ZDHHC15: variants seen among roughly 807,000 people sequenced by gnomAD.
ZDHHC15 encodes the protein zDHHC palmitoyltransferase 15, also known as palmitoyltransferase ZDHHC15.
ZDHHC15 carries 19 observed loss-of-function variants against 31.7 expected under a neutral mutation model. The observed-to-expected ratio is 0.60, with a 90% confidence interval of 0.42 to 0.88. The LOEUF (loss-of-function observed/expected upper bound fraction) is 0.88, where lower values mean the gene tolerates loss of function less well. ZDHHC15 is among the 40% of genes least tolerant of loss of function. The pLI is 0.00. For synonymous variants in ZDHHC15, 103 were observed against 90.0 expected (o/e 1.14, Z -0.82); for missense variants, 209 against 251.2 (o/e 0.83, Z 1.14).
At chrX:75,441,991 T>G (rs1413487608) in intron 4 of ZDHHC15, among the ~76,000 whole-genome samples, 1 of 111,648 alleles carries the variant, frequency 9.0e-6, no homozygotes, top group African/African-American at 3.3e-5. Context: ...TCCATCCAAG[T>G]GGGAGCGGCA....
At chrX:75,481,499 G>T (rs984870200) in intron 2 of ZDHHC15, among the ~76,000 whole-genome samples, 7 of 111,845 alleles carry the variant, frequency 6.3e-5, no homozygotes, top group Non-Finnish European at 1.1e-4. Flanking sequence ...ACATTACAAG[G>T]TTTCATAGAA....
At chrX:75,506,415 ACTTT>A (rs759450418) in intron 1 of ZDHHC15, among the ~76,000 whole-genome samples, 8 of 111,784 alleles carry the variant, frequency 7.2e-5, no homozygotes, top group Non-Finnish European at 1.3e-4. Flanking sequence ...CATCAGTCAT[ACTTT>A]CTTTTTTTCT....
At chrX:75,417,471 C>A (rs1438117601) in intron 9 of ZDHHC15, among the ~76,000 whole-genome samples, 3 of 111,952 alleles carry the variant, frequency 2.7e-5, no homozygotes, top group Non-Finnish European at 5.6e-5. Flanking sequence ...ACACAGCAAG[C>A]TTCATACATA....
intron 2 of ZDHHC15, among the ~76,000 whole-genome samples, chrX:75,499,028 T>A (rs2085051554): frequency 2.7e-5 from 3 of 111,018 alleles, no homozygotes; most frequent in Non-Finnish European, 5.7e-5. Context: ...AAACACAAAA[T>A]GGGGAAAGGA....
intron 9 of ZDHHC15, among the ~76,000 whole-genome samples, chrX:75,421,401 A>ATATAATATATAT (rs2083628457): frequency 7.6e-5 from 1 of 13,172 alleles, no homozygotes; most frequent in African/African-American, 1.9e-4. Flanking sequence ...TATATATATT[A>ATATAATATATAT]TATATATATA....
intron 2 of ZDHHC15, among the ~76,000 whole-genome samples, chrX:75,495,102 C>T (rs765872907): frequency 9.0e-6 from 1 of 111,607 alleles, no homozygotes; most frequent in East Asian, 2.8e-4. Context: ...AAAACAACCC[C>T]ATCAAAAAGT....
chrX:75,387,236 ATAAC>A (rs1174999809), intron 10 of ZDHHC15, among the ~76,000 whole-genome samples: 3 of 112,447 alleles, frequency 2.7e-5, no homozygotes, highest in Admixed American at 1.9e-4. Flanking sequence ...ACTGGAATAA[ATAAC>A]TAATTCTTCA....
rs144741343 is a variant in ZDHHC15, at chrX:75,395,173, G to C, written c.968-15975C>G. Among the ~76,000 whole-genome samples, 898 of 111,573 alleles carry C rather than the reference G, an allele frequency of 8.0e-3. 11 individuals carry two copies. Among genetic ancestry groups the C allele is most frequent in the African/African-American group, 0.027 (827 of 30,754 alleles). Reference sequence around the variant, plus strand: ...AAAATTTCAGCCCACTTTCACTACTGTGATTCAACACAGTACTAGAAGTCC... The same window carrying C: ...AAAATTTCAGCCCACTTTCACTACTCTGATTCAACACAGTACTAGAAGTCC... On this transcript the variant is annotated intron_variant, in intron 10 of 11. Transcript: ENST00000373367.
At chrX:75,449,654 CA>C (rs1255128334) in intron 4 of ZDHHC15, among the ~76,000 whole-genome samples, 1 of 111,964 alleles carries the variant, frequency 8.9e-6, no homozygotes, top group African/African-American at 3.2e-5. Flanking sequence ...ATACCAAGAA[CA>C]TAGTAAAATT....
At chrX:75,447,617 A>G (rs930971017) in intron 4 of ZDHHC15, among the ~76,000 whole-genome samples, 3 of 111,738 alleles carry the variant, frequency 2.7e-5, no homozygotes, top group African/African-American at 9.8e-5. Flanking sequence ...TGTCCAATAG[A>G]TGATGCTGAT....
rs142464808 is a variant in ZDHHC15, at chrX:75,496,115, T to G, written c.163+9706A>C. Reference sequence around the variant, plus strand: ...ATCTCCTGTCTTCAAGAGTCTCACCTAAGACATATGGACTCACATAAACTT... The same window carrying G: ...ATCTCCTGTCTTCAAGAGTCTCACCGAAGACATATGGACTCACATAAACTT... On this transcript the variant is annotated intron_variant, in intron 2 of 11. Coordinates refer to ENST00000373367, the MANE Select transcript of ZDHHC15 (RefSeq NM_144969.3). Among the ~76,000 whole-genome samples, 183 of 110,729 alleles carry G rather than the reference T, an allele frequency of 1.7e-3. No individual in the cohort carries two copies. In the East Asian group the frequency reaches 0.04, roughly 24 times the overall value.
chrX:75,461,691 C>A (rs1266377996), intron 3 of ZDHHC15, among the ~76,000 whole-genome samples: 2 of 111,771 alleles, frequency 1.8e-5, no homozygotes, highest in Non-Finnish European at 3.8e-5. Context: ...AGCTTCCTAA[C>A]TGAAGGAGAA....
In ZDHHC15 at chrX:75,410,473, T is replaced by C. The variant is rs189225990; in HGVS notation, c.967+6614A>G. ...AATAGATGTTTCTCACAAGAAGACA[T>C]ACAAATGGCCAACAGGTATATGAAA... is the stretch of plus-strand genomic sequence containing the variant. On this transcript the variant is annotated intron_variant, in intron 10 of 11. Transcript: ENST00000373367. Among the ~76,000 whole-genome samples the C allele has an allele frequency of 2.9e-4, 32 of 112,217 alleles. No individual in the cohort carries two copies. The East Asian group carries it at 8.1e-3, about 28-fold the overall frequency.
At chrX:75,510,271 T>A (rs1396610473) in intron 1 of ZDHHC15, among the ~76,000 whole-genome samples, 2 of 111,054 alleles carry the variant, frequency 1.8e-5, no homozygotes, top group Admixed American at 1.9e-4. Flanking sequence ...CCTCAGCAGG[T>A]GATTCTGAGT....
intron 3 of ZDHHC15, among the ~76,000 whole-genome samples, chrX:75,453,404 T>C (rs1279951304): frequency 9.0e-6 from 1 of 111,383 alleles, no homozygotes; most frequent in African/African-American, 3.3e-5. Flanking sequence ...ATTAATAGCC[T>C]ACCAAACAAA....
chrX:75,450,648 TA>T (rs1210376670), intron 4 of ZDHHC15, 153 bp downstream of exon 4: 1 of 1,113,759 alleles, frequency 9.0e-7, no homozygotes, highest in Non-Finnish European at 1.2e-6. Context: ...GATATGTGTT[TA>T]AAATTTTTTA....
chrX:75,378,929 G>C (rs765557032), intron 11 of ZDHHC15, among the ~76,000 whole-genome samples, 191 bp downstream of exon 11: 8 of 111,396 alleles, frequency 7.2e-5, no homozygotes, highest in Non-Finnish European at 1.3e-4. Flanking sequence ...GGGAATAAGG[G>C]CATCTTTTTT....
intron 1 of ZDHHC15, among the ~76,000 whole-genome samples, chrX:75,522,266 A>T (rs776074366): frequency 8.9e-6 from 1 of 111,981 alleles, no homozygotes; most frequent in South Asian, 3.8e-4. Context: ...ATCTTAATGG[A>T]GTAGAATAGG....
At chrX:75,505,689 T>C in intron 2 of ZDHHC15, 132 bp downstream of exon 2, 4 of 729,959 alleles carry the variant, frequency 5.5e-6, no homozygotes, top group Non-Finnish European at 8.1e-6. Flanking sequence ...CTGAAAACCA[T>C]CATTCTAAAC....
Sources: gnomAD v4.1 joint callset for allele counts (sites outside exome capture counted in the v4.1 genomes callset) on GRCh38, gnomAD v4.1.1 for gene constraint, MANE v1.5 for transcripts, NCBI Gene and HGNC (gene_info 2026-07-23, HGNC 2026-07-21) for gene names.